PCDH9: variants seen among roughly 807,000 people sequenced by gnomAD.
PCDH9 encodes the protein protocadherin-9.
PCDH9 carries 24 observed loss-of-function variants against 70.6 expected under a neutral mutation model. That is an observed-to-expected ratio of 0.34 (90% CI 0.25 to 0.48). The LOEUF is 0.48. Among genes scored for constraint, PCDH9 ranks in the 20% least tolerant of loss-of-function variants. The pLI is 0.99. For missense variants in PCDH9, 1,281 were observed against 1,503.6 expected, an observed-to-expected ratio of 0.85 and a Z score of 2.45; for synonymous variants, 562 against 558.5, an observed-to-expected ratio of 1.01 and a Z score of -0.09.
rs548475914 is a variant in PCDH9 at position 66,364,662 on chromosome 13, G to T, written c.3341-59634C>A. On this transcript the variant is annotated intron_variant, in intron 4 of 4. Transcript: ENST00000377865. Reference sequence around the variant, plus strand: ...ACATTACCAGTGTACACAGAAAATGGAATGAAGTAGAGAAAGAAATCCCAC... The same window carrying T: ...ACATTACCAGTGTACACAGAAAATGTAATGAAGTAGAGAAAGAAATCCCAC... 2.0e-5 allele frequency among the ~76,000 whole-genome samples: 3 copies of T among 152,264 alleles called. No individual in the cohort carries two copies. In the East Asian group the frequency reaches 5.8e-4, roughly 29 times the overall value.
intron 4 of PCDH9, among the ~76,000 whole-genome samples, chr13:66,440,912 AAC>A (rs1044070773): frequency 6.6e-6 from 1 of 152,166 alleles, no homozygotes. Context: ...GCTTCACGGA[AAC>A]ACACAGATTC....
At position 66,617,617 on chromosome 13, in the gene PCDH9, T is replaced by G. The variant is rs181898281; in HGVS notation, c.3340+13593A>C. The stretch of plus-strand genomic sequence containing the variant: ...CAACATGCCGGCAAAACAGTAAAGT[T>G]TTTTTAACCAGTCAGGCTTTTGGCT... On this transcript the variant is annotated intron_variant, in intron 4 of 4. Transcript: ENST00000377865. Among the ~76,000 whole-genome samples, 13 of 152,282 alleles carry G rather than the reference T, an allele frequency of 8.5e-5. No individual in the cohort carries two copies. In the East Asian group the frequency reaches 1.7e-3, roughly 20 times the overall value.
intron 2 of PCDH9, among the ~76,000 whole-genome samples, chr13:66,936,143 T>C (rs1594283692): frequency 6.6e-6 from 1 of 152,158 alleles, no homozygotes; most frequent in South Asian, 2.1e-4. Context: ...TAGGCATTTC[T>C]TTGGGTCAAA....
chr13:66,581,695 T>C (rs1827471419), intron 4 of PCDH9, among the ~76,000 whole-genome samples: 1 of 152,190 alleles, frequency 6.6e-6, no homozygotes, highest in Non-Finnish European at 1.5e-5. Flanking sequence ...AATTGAATTA[T>C]ATCCATGTGT....
chr13:66,464,283 C>T (rs943307922), intron 4 of PCDH9, among the ~76,000 whole-genome samples: 1 of 151,490 alleles, frequency 6.6e-6, no homozygotes. Context: ...ATGGCATTCA[C>T]CTTCCCCTCT....
Position 66,740,080 on chromosome 13 carries a change from A to G in PCDH9, c.3139-108669T>C, listed in dbSNP as rs1343355127. On this transcript the variant is annotated intron_variant, in intron 3 of 4. Transcript: ENST00000377865. ...CCACACCTATTCCAAAATTGACCAC[A>G]TAGTTGGAAGTAAAGCTCTCCTCAG... is the stretch of plus-strand genomic sequence containing the variant. 5.0e-3 allele frequency among the ~76,000 whole-genome samples: 729 copies of G among 147,006 alleles called. 4 individuals are homozygous for G. Among genetic ancestry groups the G allele is most frequent in the African/African-American group, 0.017 (697 of 40,220 alleles).
chr13:66,876,264 AT>A (rs757667299), intron 3 of PCDH9, among the ~76,000 whole-genome samples: 202 of 152,286 alleles, frequency 1.3e-3, no homozygotes, highest in African/African-American at 1.3e-3. Flanking sequence ...GTAAAAAAAA[AT>A]ATTCAATTAC....
At chr13:67,019,236 C>T (rs1169725803) in intron 2 of PCDH9, among the ~76,000 whole-genome samples, 3 of 148,224 alleles carry the variant, frequency 2.0e-5, no homozygotes, top group Non-Finnish European at 4.5e-5. Context: ...CTCTGTCGCC[C>T]AGGCTGGAGT....
intron 4 of PCDH9, among the ~76,000 whole-genome samples, chr13:66,438,490 T>G (rs1957918417): frequency 6.6e-6 from 1 of 152,154 alleles, no homozygotes; most frequent in South Asian, 2.1e-4. Context: ...TGAATCACAT[T>G]TCTAGGGAAA....
chr13:67,028,676 AC>A (rs1189714869), intron 2 of PCDH9, among the ~76,000 whole-genome samples: 1 of 152,088 alleles, frequency 6.6e-6, no homozygotes, highest in African/African-American at 2.4e-5. Context: ...TAATTTGTAA[AC>A]TTTTTTTTGT....
rs184879781 is a variant in PCDH9, at chr13:66,976,911, A to G, written c.3037-73306T>C. On this transcript the variant is annotated intron_variant, in intron 2 of 4. Coordinates refer to ENST00000377865, the MANE Select transcript of PCDH9 (RefSeq NM_203487.3). ...TATAATTCCTGAGGGTAAAGATAAA[A>G]TCATAAAATCAGGCTTCTGAAATTT... 2.8e-3 allele frequency among the ~76,000 whole-genome samples: 427 copies of G among 152,278 alleles called. 5 individuals are homozygous for G. The highest frequency in any genetic ancestry group is 0.024 in the Middle Eastern group (7 of 294).
intron 2 of PCDH9, among the ~76,000 whole-genome samples, chr13:66,971,126 T>G (rs1038960350): frequency 8.5e-5 from 13 of 152,062 alleles, no homozygotes; most frequent in Middle Eastern, 3.2e-3. Context: ...GCCTTTTAAA[T>G]GGCAGTATAA....
chr13:66,951,097 C>T (rs1468349594), intron 2 of PCDH9, among the ~76,000 whole-genome samples: 1 of 152,216 alleles, frequency 6.6e-6, no homozygotes, highest in African/African-American at 2.4e-5. Context: ...CTCACTTACT[C>T]TGCAAAGCCT....
intron 2 of PCDH9, among the ~76,000 whole-genome samples, chr13:67,189,179 TAC>T (rs1004273029): frequency 6.7e-6 from 1 of 150,282 alleles, no homozygotes; most frequent in Non-Finnish European, 1.5e-5. Context: ...TATACACATA[TAC>T]ACACATATAT....
chr13:66,380,385 G>A (rs925811446), intron 4 of PCDH9, among the ~76,000 whole-genome samples: 3 of 151,820 alleles, frequency 2.0e-5, no homozygotes, highest in Non-Finnish European at 4.4e-5. Context: ...TTCCTTAAGC[G>A]TTCACACTGA....
intron 2 of PCDH9, among the ~76,000 whole-genome samples, chr13:67,059,279 T>C (rs1253855112): frequency 6.7e-6 from 1 of 150,344 alleles, no homozygotes; most frequent in Non-Finnish European, 1.5e-5. Context: ...ACAAAGTTCA[T>C]GATCTCGTGA....
intron 3 of PCDH9, among the ~76,000 whole-genome samples, chr13:66,704,178 C>T (rs1375440614): frequency 6.6e-6 from 1 of 152,110 alleles, no homozygotes; most frequent in African/African-American, 2.4e-5. Context: ...TGAATAGATA[C>T]GTAACCTTGA....
At chr13:66,753,886 T>C (rs2079498581) in intron 3 of PCDH9, among the ~76,000 whole-genome samples, 1 of 152,210 alleles carries the variant, frequency 6.6e-6, no homozygotes, top group Non-Finnish European at 1.5e-5. Flanking sequence ...GAATAAATAT[T>C]GTGAACACAA....
chr13:67,212,359 T>C (rs1289321871), intron 2 of PCDH9: 2 of 152,108 alleles, frequency 1.3e-5, no homozygotes, highest in African/African-American at 4.8e-5. Context: ...ACTCATATTT[T>C]TTTTAATAAG....
Sources: allele counts gnomAD v4.1 joint callset (sites outside exome capture counted in the v4.1 genomes callset), GRCh38; gene constraint gnomAD v4.1.1; transcripts MANE v1.5; gene names NCBI Gene and HGNC (gene_info 2026-07-23, HGNC 2026-07-21).